Variants in OSCP1 observed in about 807,000 individuals in gnomAD.
OSCP1 encodes organic solute carrier partner 1.
A neutral mutation model predicts 45.1 loss-of-function variants in OSCP1; 35 were observed. The observed-to-expected ratio is 0.78, with a 90% confidence interval of 0.59 to 1.03. The LOEUF (loss-of-function observed/expected upper bound fraction) is 1.03, where lower values mean the gene tolerates loss of function less well. OSCP1 is among the 50% of genes least tolerant of loss of function. OSCP1 has a pLI of 0.00. For synonymous variants in OSCP1, 179 were observed against 180.1 expected, an observed-to-expected ratio of 0.99 and a Z score of 0.05; for missense variants, 400 against 470.7, an observed-to-expected ratio of 0.85 and a Z score of 1.39.
chr1:36,422,833 G>A lies in OSCP1; in HGVS notation c.684C>T (p.Val228=). The part of the protein sequence containing the change: ...RIEFKHGGNY[V]PAPKEGSFEL... ...CAAAAGAACCTTCTTTGGGTGCAGGGACATAGTTTCCACCATGCTTGAATT... is the reference window on the plus strand; with the variant it reads ...CAAAAGAACCTTCTTTGGGTGCAGGAACATAGTTTCCACCATGCTTGAATT... Residue 228 remains valine (V), a synonymous_variant, in exon 6 of 10, where the codon GTC becomes GTT. Transcript: ENST00000235532. The A allele has an allele frequency of 6.2e-7, 1 of 1,609,956 alleles. No homozygotes were observed. The highest frequency in any genetic ancestry group is 8.5e-7 in the Non-Finnish European group (1 of 1,177,690).
intron 6 of OSCP1, among the ~76,000 whole-genome samples, 176 bp from the exon 7 acceptor site, chr1:36,422,395 A>G (rs537655194): frequency 6.6e-6 from 1 of 152,338 alleles, no homozygotes; most frequent in African/African-American, 2.4e-5. Context: ...ACTTCTTCCT[A>G]AAGAAAAACA....
At chr1:36,441,952 G>C (rs1008820596) in intron 1 of OSCP1, among the ~76,000 whole-genome samples, 3 of 151,952 alleles carry the variant, frequency 2.0e-5, no homozygotes, top group African/African-American at 7.3e-5. Context: ...GGGGGGCCGG[G>C]CGCAGTGGCT....
chr1:36,431,951 A>C, intron 3 of OSCP1, 69 bp from the exon 4 acceptor site: 1 of 1,423,058 alleles, frequency 7.0e-7, no homozygotes, highest in Non-Finnish European at 9.7e-7. Flanking sequence ...CCGGCAGGGC[A>C]GATGGGTACT....
intron 9 of OSCP1, chr1:36,418,473 G>C (rs1470303017): frequency 1.0e-5 from 6 of 592,206 alleles, no homozygotes; most frequent in Non-Finnish European, 1.8e-5. Flanking sequence ...AGCATCCCTG[G>C]CTGCTACAGA....
intron 1 of OSCP1, among the ~76,000 whole-genome samples, chr1:36,449,792 G>A (rs1454388210): frequency 8.2e-6 from 1 of 121,558 alleles, no homozygotes; most frequent in African/African-American, 3.3e-5. Flanking sequence ...AGCCGAGATC[G>A]TGCCACACAC....
intron 2 of OSCP1, among the ~76,000 whole-genome samples, chr1:36,434,838 A>C (rs371223370): frequency 6.6e-6 from 1 of 152,042 alleles, no homozygotes; most frequent in South Asian, 2.1e-4. Context: ...GGGAAAGTAC[A>C]ATACTGGAGA....
chr1:36,441,139 A>T (rs992137285), intron 1 of OSCP1, among the ~76,000 whole-genome samples: 1 of 152,254 alleles, frequency 6.6e-6, no homozygotes, highest in Non-Finnish European at 1.5e-5. Flanking sequence ...TGCTGGGAAG[A>T]GGACGGCGGG....
intron 9 of OSCP1, chr1:36,418,559 T>C (rs1647412940): frequency 4.8e-6 from 2 of 417,038 alleles, no homozygotes; most frequent in African/African-American, 2.1e-5. Context: ...AACAGCTATA[T>C]TGTAGTCTGA....
At chr1:36,443,916 C>T (rs1052142722) in intron 1 of OSCP1, 6 of 1,429,110 alleles carry the variant, frequency 4.2e-6, no homozygotes, top group Non-Finnish European at 5.9e-6. Flanking sequence ...TGAAATGTTT[C>T]AAGCGGTCCC....
At chr1:36,433,669 T>C (rs1648526387) in intron 2 of OSCP1, among the ~76,000 whole-genome samples, 2 of 152,098 alleles carry the variant, frequency 1.3e-5, no homozygotes, top group Non-Finnish European at 1.5e-5. Flanking sequence ...TTATTAAAAA[T>C]AGAATAAAGT....
At position 36,435,048 on chromosome 1, in the gene OSCP1, C is replaced by T. The variant is rs1460974067; in HGVS notation, c.268-2459G>A. The stretch of plus-strand genomic sequence containing the variant: ...TTTTAATTCTAAGTTCTGTGTCCTT[C>T]CTCTATGGAAATTTAAACTTCCTTT... On this transcript the variant is annotated intron_variant, in intron 2 of 9. Transcript: ENST00000235532. Among the ~76,000 whole-genome samples the T allele has an allele frequency of 2.0e-5, 3 of 151,120 alleles. No homozygotes were observed. The East Asian group carries it at 5.8e-4, about 29-fold the overall frequency.
At chr1:36,440,238 G>GT (rs1263641386) in intron 1 of OSCP1, among the ~76,000 whole-genome samples, 1 of 152,202 alleles carries the variant, frequency 6.6e-6, no homozygotes, top group African/African-American at 2.4e-5. Context: ...CTCTCAACCT[G>GT]TAAGTAATTG....
Position 36,431,970 on chromosome 1 carries a change from G to C in OSCP1, c.436-88C>G, listed in dbSNP as rs1648395214. 2.5e-6 allele frequency: 3 copies of C among 1,217,762 alleles called. No individual in the cohort carries two copies. In the East Asian group the frequency reaches 7.2e-5, roughly 29 times the overall value. 75.4% of individuals were successfully genotyped at this position (1,217,762 alleles called of 1,614,324 possible). A position where few individuals can be genotyped will look rare whatever the true frequency, so the allele number is the denominator to read the frequency against. ...CAGGGCAGATGGGTACTCAGGGATG[G>C]GAGCCAGATAGGTAAGGAGAGGACT... On this transcript the variant is annotated intron_variant, in intron 3 of 9. Coordinates refer to ENST00000235532, the MANE Select transcript of OSCP1 (RefSeq NM_145047.5).
intron 1 of OSCP1, among the ~76,000 whole-genome samples, chr1:36,439,444 C>G (rs72919391): frequency 0.036 from 5,542 of 152,166 alleles, 332 homozygotes; most frequent in African/African-American, 0.13. Context: ...TTCAATGCTG[C>G]AGTGAGCTCT....
At chr1:36,435,940 G>A (rs1648701088) in intron 2 of OSCP1, among the ~76,000 whole-genome samples, 1 of 151,084 alleles carries the variant, frequency 6.6e-6, no homozygotes, top group Non-Finnish European at 1.5e-5. Flanking sequence ...CCGAGTTAAA[G>A]TAACTTTCCA....
At chr1:36,437,541 T>C (rs1356989271) in intron 2 of OSCP1, among the ~76,000 whole-genome samples, 1 of 152,126 alleles carries the variant, frequency 6.6e-6, no homozygotes, top group Non-Finnish European at 1.5e-5. Context: ...ATTTTTGAGA[T>C]GAAGTCCTAC....
At chr1:36,438,475 GT>G (rs1305085613) in intron 2 of OSCP1, among the ~76,000 whole-genome samples, 1 of 152,134 alleles carries the variant, frequency 6.6e-6, no homozygotes, top group African/African-American at 2.4e-5. Flanking sequence ...GGACAACAGA[GT>G]GAGACCCCAT....
chr1:36,422,643 A>AG, intron 6 of OSCP1, 125 bp downstream of exon 6: 1 of 1,003,420 alleles, frequency 1.0e-6, no homozygotes, highest in Non-Finnish European at 1.4e-6. Context: ...AGTGTACCTA[A>AG]GGGGAAATTA....
At position 36,450,339 on chromosome 1, in the gene OSCP1, A is replaced by G. The variant is rs1557574963; in HGVS notation, c.31T>C (p.Leu11=). Reference sequence around the variant, plus strand: ...TAAAGCATCTCCCCGCCCAAGTTCAAGAAGAGCAGCGGTAGCGTCCGCACC... The same window carrying G: ...TAAAGCATCTCCCCGCCCAAGTTCAGGAAGAGCAGCGGTAGCGTCCGCACC... MSVRTLPLLF[L]NLGGEMLYIL... is the part of the protein sequence containing the mutation. The change falls in exon 1 of 10, where the codon TTG becomes CTG. Residue 11 remains leucine (L), a synonymous_variant. Transcript: ENST00000235532. 1.2e-6 allele frequency: 2 copies of G among 1,613,966 alleles called. No homozygotes were observed. The highest frequency in any genetic ancestry group is 1.3e-5 in the African/African-American group (1 of 74,992).
Sources: gnomAD v4.1 joint callset for allele counts (sites outside exome capture counted in the v4.1 genomes callset) on GRCh38, gnomAD v4.1.1 for gene constraint, MANE v1.5 for transcripts, NCBI Gene and HGNC (gene_info 2026-07-23, HGNC 2026-07-21) for gene names.